Variants in MITF observed in about 807,000 individuals in gnomAD.
The protein encoded by MITF is melanocyte inducing transcription factor.
A neutral mutation model predicts 60.5 loss-of-function variants in MITF; 17 were observed. The observed-to-expected ratio is 0.28, with a 90% CI of 0.19 to 0.42. The LOEUF (loss-of-function observed/expected upper bound fraction) is 0.42. Ranked by LOEUF, MITF falls within the 10% of genes least tolerant of loss-of-function variation. The pLI is 1.00. For missense variants in MITF, 622 were observed against 683.5 expected (o/e 0.91, Z 1.00); for synonymous variants, 260 against 248.5 (o/e 1.05, Z -0.43).
chr3:69,755,111 G>A (rs1704085603), intron 1 of MITF, among the ~76,000 whole-genome samples: 1 of 152,172 alleles, frequency 6.6e-6, no homozygotes, highest in Non-Finnish European at 1.5e-5. Flanking sequence ...CAAGCATGGT[G>A]TTACTTTTGT....
intron 2 of MITF, chr3:69,937,093 T>C: frequency 4.4e-6 from 1 of 228,432 alleles, no homozygotes; most frequent in Admixed American, 5.3e-5. Context: ...GTATTTCTCG[T>C]TCTGAATTAA....
At chr3:69,887,718 G>C (rs551774482) in intron 2 of MITF, among the ~76,000 whole-genome samples, 69 of 152,162 alleles carry the variant, frequency 4.5e-4, no homozygotes, top group African/African-American at 1.6e-3. Flanking sequence ...AAAGGGTATA[G>C]GTGAATCTAT....
At chr3:69,905,389 T>G (rs1218532784) in intron 2 of MITF, among the ~76,000 whole-genome samples, 4 of 152,022 alleles carry the variant, frequency 2.6e-5, no homozygotes, top group Admixed American at 2.6e-4. Flanking sequence ...CCCCTCTTGA[T>G]GAGCATTTGC....
intron 1 of MITF, among the ~76,000 whole-genome samples, chr3:69,743,004 G>T (rs1411011904): frequency 1.3e-5 from 2 of 152,164 alleles, no homozygotes; most frequent in African/African-American, 2.4e-5. Context: ...AACTCCAAGG[G>T]AACAGGGTTT....
At chr3:69,911,892 C>T (rs9824748) in intron 2 of MITF, among the ~76,000 whole-genome samples, 2,522 of 152,182 alleles carry the variant, frequency 0.017, 74 homozygotes, top group African/African-American at 0.056. Context: ...TGTGTGCAAC[C>T]TACCATTTAA....
At chr3:69,793,231 G>T (rs2062771310) in intron 1 of MITF, among the ~76,000 whole-genome samples, 1 of 151,996 alleles carries the variant, frequency 6.6e-6, no homozygotes, top group Admixed American at 6.5e-5. Flanking sequence ...GCCCAGGCTG[G>T]TCTTGAACTA....
chr3:69,787,811 C>T (rs2062675451), intron 1 of MITF, among the ~76,000 whole-genome samples: 1 of 152,094 alleles, frequency 6.6e-6, no homozygotes, highest in East Asian at 1.9e-4. Context: ...TTTTATCCTA[C>T]AAAAATTACA....
chr3:69,810,517 CTT>C (rs2063083757), intron 1 of MITF, among the ~76,000 whole-genome samples: 1 of 152,090 alleles, frequency 6.6e-6, no homozygotes, highest in Non-Finnish European at 1.5e-5. Context: ...TTTAAAATAA[CTT>C]TTTTAACATA....
At chr3:69,923,915 T>C (rs554791411) in intron 2 of MITF, among the ~76,000 whole-genome samples, 1 of 142,730 alleles carries the variant, frequency 7.0e-6, no homozygotes, top group African/African-American at 2.8e-5. Context: ...TTTTTGTTTG[T>C]TTTTTTTTGG....
At chr3:69,760,293 A>T (rs2062192915) in intron 1 of MITF, among the ~76,000 whole-genome samples, 1 of 152,118 alleles carries the variant, frequency 6.6e-6, no homozygotes, top group Non-Finnish European at 1.5e-5. Flanking sequence ...AAGCAGTAGG[A>T]TTGACAGAGG....
chr3:69,770,434 A>G (rs1028858055), intron 1 of MITF, among the ~76,000 whole-genome samples: 9 of 152,158 alleles, frequency 5.9e-5, no homozygotes, highest in African/African-American at 1.9e-4. Context: ...TGGTTTTCCA[A>G]GTAGGAAAAT....
At chr3:69,885,474 T>C (rs1575882360) in intron 2 of MITF, among the ~76,000 whole-genome samples, 1 of 151,958 alleles carries the variant, frequency 6.6e-6, no homozygotes, top group African/African-American at 2.4e-5. Flanking sequence ...TGACTCTGAA[T>C]GGTAATTTCT....
intron 2 of MITF, among the ~76,000 whole-genome samples, chr3:69,928,034 A>G (rs1308041966): frequency 6.6e-6 from 1 of 152,242 alleles, no homozygotes; most frequent in Non-Finnish European, 1.5e-5. Context: ...GTACTGTTAT[A>G]GCTTGAAAGC....
intron 2 of MITF, among the ~76,000 whole-genome samples, chr3:69,902,545 T>G (rs1007011815): frequency 1.3e-5 from 2 of 152,232 alleles, no homozygotes; most frequent in African/African-American, 4.8e-5. Flanking sequence ...AATTTATATG[T>G]TCCTCCACAT....
intron 1 of MITF, among the ~76,000 whole-genome samples, chr3:69,757,839 G>C (rs2062149016): frequency 2.0e-5 from 3 of 151,854 alleles, no homozygotes; most frequent in African/African-American, 7.3e-5. Flanking sequence ...TATTTGTTGA[G>C]CTGAGGATAA....
intron 2 of MITF, among the ~76,000 whole-genome samples, chr3:69,911,237 C>T (rs1047924365): frequency 4.6e-5 from 7 of 152,150 alleles, no homozygotes; most frequent in Non-Finnish European, 7.4e-5. Flanking sequence ...CCTCACCGGC[C>T]GTGTGGAACT....
chr3:69,957,466 A>G (rs1199452733), intron 8 of MITF, among the ~76,000 whole-genome samples: 2 of 152,226 alleles, frequency 1.3e-5, no homozygotes, highest in African/African-American at 4.8e-5. Flanking sequence ...GGTGGTTTTG[A>G]TGAATGTACA....
intron 2 of MITF, among the ~76,000 whole-genome samples, chr3:69,893,916 A>T (rs2064815747): frequency 6.6e-6 from 1 of 152,222 alleles, no homozygotes; most frequent in African/African-American, 2.4e-5. Flanking sequence ...AATGATTGAC[A>T]GCCAAATTAG....
chr3:69,835,679 C>T (rs773795899), intron 1 of MITF, among the ~76,000 whole-genome samples: 3 of 152,148 alleles, frequency 2.0e-5, no homozygotes, highest in Non-Finnish European at 4.4e-5. Context: ...GGCCTAGTCT[C>T]ATTCTTCCGC....
Sources: allele counts gnomAD v4.1 joint callset (sites outside exome capture counted in the v4.1 genomes callset), GRCh38; gene constraint gnomAD v4.1.1; transcripts MANE v1.5; gene names NCBI Gene and HGNC (gene_info 2026-07-23, HGNC 2026-07-21).